The following ZMAT5 variants were observed in gnomAD, a reference collection of about 807,000 sequenced individuals.
ZMAT5 encodes the protein zinc finger matrin-type protein 5.
A neutral mutation model predicts 28.0 loss-of-function variants in ZMAT5; 23 were observed. The ratio of observed to expected loss-of-function variants is 0.82; its 90% CI spans 0.59 to 1.16. ZMAT5 has a LOEUF of 1.16. Ranked by LOEUF, ZMAT5 falls within the 50% of genes most tolerant of loss-of-function variation. The pLI, the probability that ZMAT5 is intolerant of heterozygous loss-of-function variation, is 0.00. For missense variants in ZMAT5, 173 were observed against 212.7 expected (o/e 0.81, Z 1.16); for synonymous variants, 76 against 84.1 (o/e 0.90, Z 0.52).
chr22:29,764,330 G>C (rs1376574374), intron 1 of ZMAT5, among the ~76,000 whole-genome samples: 3 of 152,130 alleles, frequency 2.0e-5, no homozygotes, highest in Non-Finnish European at 4.4e-5. Context: ...AGGATGCTTT[G>C]CAAATAGTAT....
At chr22:29,748,681 C>T in intron 1 of ZMAT5, 110 bp from the exon 2 acceptor site, 2 of 1,356,546 alleles carry the variant, frequency 1.5e-6, no homozygotes, top group Admixed American at 2.1e-5. Flanking sequence ...TACTCATATG[C>T]ACCCCGCCCC....
chr22:29,740,027 G>A (rs773596925), intron 4 of ZMAT5, among the ~76,000 whole-genome samples: 3 of 152,218 alleles, frequency 2.0e-5, no homozygotes, highest in Non-Finnish European at 4.4e-5. Context: ...CTGCTGGGGG[G>A]CTCACGCGAG....
intron 1 of ZMAT5, 94 bp from the exon 2 acceptor site, chr22:29,748,665 A>G: frequency 2.0e-6 from 3 of 1,500,060 alleles, no homozygotes; most frequent in Non-Finnish European, 2.7e-6. Flanking sequence ...GCCTGAGCCC[A>G]GGCTTTACTC....
Position 29,731,247 on chromosome 22 carries a change from T to C in ZMAT5, c.491A>G (p.Gln164Arg), listed in dbSNP as rs745770492. The change falls in exon 6 of 6, where the codon CAG (glutamine) becomes CGG (arginine). Residue 164 changes from glutamine to arginine, a missense_variant. By Grantham distance (43) the Gln-to-Arg change is conservative. Transcript: ENST00000344318. ...GGCTCAGCCCCACTGGACTCTGGGC[T>C]GCAGAGGCCACCCCCCAGGTGGGGG... ...RAPPPGGWPL[Q>R]PRVQWG 6.6e-7 allele frequency: 1 copy of C among 1,511,288 alleles called. No homozygotes were observed. Among genetic ancestry groups the C allele is most frequent in the South Asian group, 1.4e-5 (1 of 73,418 alleles). The allele number at this position is 1,511,288 out of a possible 1,614,324, so 93.6% of individuals were successfully genotyped here. A position where few individuals can be genotyped will look rare whatever the true frequency, so the allele number is the denominator to read the frequency against.
chr22:29,762,390 T>C (rs1397279061), intron 1 of ZMAT5, among the ~76,000 whole-genome samples: 1 of 152,252 alleles, frequency 6.6e-6, no homozygotes, highest in Non-Finnish European at 1.5e-5. Context: ...TGTCAGGAGC[T>C]GGGCCGCACA....
At chr22:29,732,913 G>A (rs1160610934) in intron 5 of ZMAT5, among the ~76,000 whole-genome samples, 3 of 152,120 alleles carry the variant, frequency 2.0e-5, no homozygotes, top group South Asian at 4.1e-4. Context: ...ACCCCAAGGC[G>A]CAGGGCCAGG....
intron 1 of ZMAT5, among the ~76,000 whole-genome samples, chr22:29,763,150 G>A (rs1243241933): frequency 2.0e-5 from 3 of 151,962 alleles, no homozygotes; most frequent in East Asian, 1.9e-4. Flanking sequence ...AAAATTATCC[G>A]GGCGTGGTGG....
At chr22:29,761,640 G>A (rs1213313788) in intron 1 of ZMAT5, among the ~76,000 whole-genome samples, 1 of 152,002 alleles carries the variant, frequency 6.6e-6, no homozygotes. Flanking sequence ...TAGGTTATGT[G>A]CTCCTTATGA....
chr22:29,752,218 C>T (rs527694634), intron 1 of ZMAT5, among the ~76,000 whole-genome samples: 7 of 152,260 alleles, frequency 4.6e-5, no homozygotes, highest in Admixed American at 6.5e-5. Flanking sequence ...TTCATGCTGC[C>T]GTGCTAGCTG....
chr22:29,760,448 G>A (rs1261858371), intron 1 of ZMAT5, among the ~76,000 whole-genome samples: 3 of 151,832 alleles, frequency 2.0e-5, no homozygotes, highest in African/African-American at 7.3e-5. Flanking sequence ...GGAAGCTGAG[G>A]CACGAGATTG....
intron 5 of ZMAT5, among the ~76,000 whole-genome samples, chr22:29,735,330 A>G (rs1417524508): frequency 6.6e-6 from 1 of 152,196 alleles, no homozygotes; most frequent in Non-Finnish European, 1.5e-5. Context: ...TTTGGCCCCA[A>G]GCCCTCAGGA....
chr22:29,744,795 A>C (rs571379734), intron 2 of ZMAT5, among the ~76,000 whole-genome samples: 1 of 152,280 alleles, frequency 6.6e-6, no homozygotes, highest in South Asian at 2.1e-4. Flanking sequence ...CTTTTAATTC[A>C]TTGGAAGGGA....
intron 1 of ZMAT5, chr22:29,758,659 T>A (rs917021617): frequency 6.6e-6 from 1 of 152,138 alleles, no homozygotes; most frequent in Non-Finnish European, 1.5e-5. Flanking sequence ...TATGTCCAGA[T>A]TTTTTTCATT....
intron 2 of ZMAT5, among the ~76,000 whole-genome samples, chr22:29,744,762 C>T (rs1189605942): frequency 2.0e-5 from 3 of 152,170 alleles, no homozygotes; most frequent in African/African-American, 4.8e-5. Flanking sequence ...CATGGACACC[C>T]GGCCCCAGCC....
In ZMAT5 at chr22:29,763,145, T is replaced by C. The variant is rs545861052; in HGVS notation, c.-28+3727A>G. Among the ~76,000 whole-genome samples, 3 of 151,818 alleles carry C rather than the reference T, an allele frequency of 2.0e-5. No homozygotes were observed. In the South Asian group the frequency reaches 6.2e-4, roughly 32 times the overall value. On this transcript the variant is annotated intron_variant, in intron 1 of 5. Coordinates refer to ENST00000344318, the MANE Select transcript of ZMAT5 (RefSeq NM_001003692.2). The stretch of plus-strand genomic sequence containing the variant: ...CCATCTGTACTAAAAATACAAAAAT[T>C]ATCCGGGCGTGGTGGCAGGTGCCTG...
chr22:29,759,521 C>A (rs1328355988), intron 1 of ZMAT5, among the ~76,000 whole-genome samples: 1 of 152,210 alleles, frequency 6.6e-6, no homozygotes, highest in African/African-American at 2.4e-5. Context: ...GTAACCCCAG[C>A]ACTTTGGCAG....
rs368243648 is a variant in ZMAT5, at chr22:29,731,573, T to C, written c.384-219A>G. Reference sequence around the variant, plus strand: ...GAAATAGCGGGGTTGCAGGCAGACATTGAGCTGCGAGACAATGGGAATAAC... The same window carrying C: ...GAAATAGCGGGGTTGCAGGCAGACACTGAGCTGCGAGACAATGGGAATAAC... On this transcript the variant is annotated intron_variant, in intron 5 of 5. Transcript: ENST00000344318. 63 of 521,970 alleles carry C rather than the reference T, an allele frequency of 1.2e-4. 1 individual carries two copies. Among genetic ancestry groups the C allele is most frequent in the East Asian group, 8.8e-4 (23 of 26,246 alleles). 32.3% of individuals were successfully genotyped at this position (521,970 alleles called of 1,614,324 possible).
At chr22:29,743,126 C>G (rs2067978921) in intron 2 of ZMAT5, among the ~76,000 whole-genome samples, 1 of 152,088 alleles carries the variant, frequency 6.6e-6, no homozygotes, top group South Asian at 2.1e-4. Context: ...AATCCTGGCA[C>G]TATGGAACTT....
chr22:29,731,034 AGAGTGAGGG>A lies in ZMAT5; in HGVS notation c.*182_*190del, dbSNP rs2067836455. On this transcript the variant is annotated 3_prime_UTR_variant, in exon 6 of 6. Transcript: ENST00000344318. ...TAAGAAGCAGGGGGGCAGGTGGAGG[AGAGTGAGGG>A]GAGAGCTGCCCGGTGCAGACCCAGG... 8.2e-6 allele frequency: 4 copies of A among 485,942 alleles called. No individual in the cohort carries two copies. 30.1% of individuals were successfully genotyped at this position (485,942 alleles called of 1,614,324 possible). A position where few individuals can be genotyped will look rare whatever the true frequency, so the allele number is the denominator to read the frequency against.
Sources: gnomAD v4.1 joint callset for allele counts (sites outside exome capture counted in the v4.1 genomes callset) on GRCh38, gnomAD v4.1.1 for gene constraint, MANE v1.5 for transcripts, NCBI Gene and HGNC (gene_info 2026-07-23, HGNC 2026-07-21) for gene names.